The following PATJ variants were observed in gnomAD, a reference collection of about 807,000 sequenced individuals.
PATJ encodes PATJ crumbs cell polarity complex component.
In PATJ, 190 loss-of-function variants were observed where a neutral mutation model predicts 224.9. The ratio of observed to expected loss-of-function variants is 0.84; its 90% CI spans 0.75 to 0.95. PATJ has a LOEUF of 0.95. PATJ is among the 40% of genes least tolerant of loss of function. The pLI is 0.00. For missense variants in PATJ, 2,121 were observed against 2,270.3 expected (o/e 0.93, Z 1.34); for synonymous variants, 769 against 820.3 (o/e 0.94, Z 1.07).
At chr1:61,936,366 T>C (rs1676871547) in intron 27 of PATJ, among the ~76,000 whole-genome samples, 3 of 147,754 alleles carry the variant, frequency 2.0e-5, no homozygotes, top group African/African-American at 7.5e-5. Flanking sequence ...ACAGAATACT[T>C]GCTAGCCCCA....
At chr1:61,806,488 G>A (rs1487554163) in intron 13 of PATJ, among the ~76,000 whole-genome samples, 2 of 151,962 alleles carry the variant, frequency 1.3e-5, no homozygotes, top group South Asian at 2.1e-4. Context: ...GCGTGGTGGC[G>A]GTCGCCTGTA....
intron 27 of PATJ, among the ~76,000 whole-genome samples, chr1:61,943,478 C>T (rs546227122): frequency 1.6e-4 from 25 of 152,242 alleles, no homozygotes; most frequent in African/African-American, 4.6e-4. Flanking sequence ...CCCACGCCCA[C>T]GGTCGCTGCT....
chr1:62,138,448 C>T (rs947835891), intron 41 of PATJ, among the ~76,000 whole-genome samples: 9 of 152,082 alleles, frequency 5.9e-5, no homozygotes, highest in Non-Finnish European at 1.2e-4. Context: ...ACTGGGATTA[C>T]AGGTGTGTGC....
At chr1:61,815,808 C>T (rs1282536730) in intron 14 of PATJ, among the ~76,000 whole-genome samples, 1 of 152,190 alleles carries the variant, frequency 6.6e-6, no homozygotes, top group East Asian at 1.9e-4. Flanking sequence ...GTGACTTAAG[C>T]ATTAGCTGCA....
At chr1:61,847,806 G>T (rs1420730184) in intron 17 of PATJ, among the ~76,000 whole-genome samples, 1 of 152,138 alleles carries the variant, frequency 6.6e-6, no homozygotes, top group East Asian at 1.9e-4. Context: ...AACCAGAACT[G>T]TTCTCGTGAT....
At position 61,908,416 on chromosome 1, in the gene PATJ, T is replaced by C. The variant is rs1353081817; in HGVS notation, c.3426T>C (p.Val1142=). The change falls in exon 25 of 44, where the codon GTT becomes GTC. Residue 1142 remains valine, a synonymous_variant. Transcript: ENST00000642238. ...DLQNASHSEA[V]EAIKNAGNPV... ...AGAATGCCTCACACAGCGAAGCAGT[T>C]GAGGCCATTAAGAATGCAGGAAACC... is the stretch of plus-strand genomic sequence containing the variant. The C allele has an allele frequency of 2.8e-5, 45 of 1,613,940 alleles. No individual in the cohort carries two copies. Among genetic ancestry groups the C allele is most frequent in the Non-Finnish European group, 3.6e-5 (43 of 1,179,944 alleles).
intron 1 of PATJ, among the ~76,000 whole-genome samples, chr1:61,743,582 C>T (rs1018215988): frequency 6.6e-6 from 1 of 152,222 alleles, no homozygotes; most frequent in Admixed American, 6.5e-5. Context: ...GATGATACTA[C>T]CACATTCTGG....
intron 31 of PATJ, among the ~76,000 whole-genome samples, chr1:62,051,336 G>A (rs1653580283): frequency 6.6e-6 from 1 of 151,880 alleles, no homozygotes; most frequent in Non-Finnish European, 1.5e-5. Flanking sequence ...TTGAGATGGA[G>A]CCTCACTCTG....
intron 28 of PATJ, among the ~76,000 whole-genome samples, chr1:62,010,808 C>T (rs1646403211): frequency 6.6e-6 from 1 of 152,192 alleles, no homozygotes; most frequent in Admixed American, 6.5e-5. Context: ...CATCCTTCTT[C>T]ACATGAAAGG....
intron 27 of PATJ, among the ~76,000 whole-genome samples, chr1:61,944,242 G>A (rs1163479875): frequency 6.6e-6 from 1 of 152,228 alleles, no homozygotes; most frequent in Non-Finnish European, 1.5e-5. Context: ...ATTGAGAGAA[G>A]AAGGCTTCAG....
At chr1:61,940,937 C>T (rs2149343589) in intron 27 of PATJ, among the ~76,000 whole-genome samples, 1 of 152,256 alleles carries the variant, frequency 6.6e-6, no homozygotes, top group African/African-American at 2.4e-5. Flanking sequence ...TTTTCACTTT[C>T]AACTGAGATC....
In PATJ at chr1:61,827,410, T is replaced by G; in HGVS notation, c.1819-12T>G. 6.2e-7 allele frequency: 1 copy of G among 1,612,060 alleles called. No individual in the cohort carries two copies. The highest frequency in any genetic ancestry group is 8.5e-7 in the Non-Finnish European group (1 of 1,178,922). On this transcript the variant is annotated splice_polypyrimidine_tract_variant and intron_variant, in intron 15 of 43. Coordinates refer to ENST00000642238, the MANE Select transcript of PATJ (RefSeq NM_001350145.3). ...GCTGGCTCAGTTCTGACTTATCCCC[T>G]TGTCTTCCTAGGTCAATGGCATGCA...
chr1:62,019,820 G>T (rs1044401119), intron 29 of PATJ, among the ~76,000 whole-genome samples: 1 of 152,040 alleles, frequency 6.6e-6, no homozygotes, highest in African/African-American at 2.4e-5. Flanking sequence ...TTAAGATGTT[G>T]TTCATTAAGA....
chr1:61,985,377 A>G (rs1047339323), intron 27 of PATJ, among the ~76,000 whole-genome samples: 12 of 152,002 alleles, frequency 7.9e-5, no homozygotes, highest in African/African-American at 2.9e-4. Flanking sequence ...CCTCAGTGGG[A>G]TATTGATAAG....
chr1:62,109,959 G>C (rs1663599852), intron 34 of PATJ, among the ~76,000 whole-genome samples: 1 of 152,094 alleles, frequency 6.6e-6, no homozygotes, highest in South Asian at 2.1e-4. Context: ...CTCTGTAGCT[G>C]CTCTCTTCTA....
At chr1:61,930,634 T>G (rs58785584) in intron 27 of PATJ, among the ~76,000 whole-genome samples, 6,030 of 152,186 alleles carry the variant, frequency 0.04, 428 homozygotes, top group African/African-American at 0.14. Flanking sequence ...GTGCAGTAGC[T>G]CAATCATGGC....
intron 28 of PATJ, chr1:61,991,395 G>A (rs1645056589): frequency 1.8e-5 from 10 of 564,876 alleles, no homozygotes; most frequent in Non-Finnish European, 2.2e-5. Context: ...GACATTTAGG[G>A]GAGCTAAATC....
chr1:61,942,238 T>C (rs1346844074), intron 27 of PATJ, among the ~76,000 whole-genome samples: 7 of 152,230 alleles, frequency 4.6e-5, no homozygotes, highest in African/African-American at 1.7e-4. Flanking sequence ...TTTAATTTAC[T>C]TGAATTCTAT....
At chr1:62,143,511 C>T (rs1447040661) in intron 41 of PATJ, among the ~76,000 whole-genome samples, 2 of 121,978 alleles carry the variant, frequency 1.6e-5, no homozygotes, top group African/African-American at 6.4e-5. Context: ...AGTGCCATGG[C>T]TTGATCTCGG....
Sources: gnomAD v4.1 joint callset for allele counts (sites outside exome capture counted in the v4.1 genomes callset) on GRCh38, gnomAD v4.1.1 for gene constraint, MANE v1.5 for transcripts, NCBI Gene and HGNC (gene_info 2026-07-23, HGNC 2026-07-21) for gene names.